TMEM232: variants seen among roughly 807,000 people sequenced by gnomAD.
TMEM232 encodes the protein transmembrane protein 232.
TMEM232 carries 80 observed loss-of-function variants against 78.8 expected under a neutral mutation model. The ratio of observed to expected loss-of-function variants is 1.01; its 90% CI spans 0.85 to 1.22. The LOEUF (loss-of-function observed/expected upper bound fraction) is 1.22. Among genes scored for constraint, TMEM232 ranks in the 50% most tolerant of loss-of-function variants. The pLI, the probability that TMEM232 is intolerant of heterozygous loss-of-function variation, is 0.00. For missense variants in TMEM232, 881 were observed against 742.2 expected (o/e 1.19, Z -2.17); for synonymous variants, 297 against 254.3 (o/e 1.17, Z -1.60).
At chr5:110,656,434 G>T (rs945268998) in intron 2 of TMEM232, among the ~76,000 whole-genome samples, 1 of 152,054 alleles carries the variant, frequency 6.6e-6, no homozygotes, top group Non-Finnish European at 1.5e-5. Flanking sequence ...TAGTTTGAAC[G>T]TGTGCCTGTT....
chr5:110,638,232 G>A lies in TMEM232; in HGVS notation c.467C>T (p.Thr156Ile), dbSNP rs977541961. The A allele has an allele frequency of 1.9e-6, 3 of 1,548,114 alleles. No individual in the cohort carries two copies. The highest frequency in any genetic ancestry group is 1.4e-5 in the African/African-American group (1 of 72,870). ...YRLCCDASLK[T>I]YLYSVEIKLA... ...CTTTATTTCAACTGAATATAAATAT[G>A]TTTTGAGGGATGCATCACAACACAG... is the stretch of plus-strand genomic sequence containing the variant. Residue 156 changes from threonine to isoleucine, a missense_variant, in exon 5 of 14, where the codon ACA (threonine) becomes ATA (isoleucine). Transcript: ENST00000455884.
chr5:110,580,728 C>T (rs1241501463), intron 10 of TMEM232, among the ~76,000 whole-genome samples: 2 of 132,912 alleles, frequency 1.5e-5, no homozygotes, highest in African/African-American at 7.1e-5. Context: ...TAACCCCAAA[C>T]AGGATAATTT....
At chr5:110,489,392 C>A (rs937434496) in intron 12 of TMEM232, among the ~76,000 whole-genome samples, 1 of 151,914 alleles carries the variant, frequency 6.6e-6, no homozygotes, top group Non-Finnish European at 1.5e-5. Context: ...AACATACCAA[C>A]AGAACAATGA....
chr5:110,427,381 A>G (rs979174008), intron 12 of TMEM232, among the ~76,000 whole-genome samples: 11 of 152,022 alleles, frequency 7.2e-5, no homozygotes, highest in Non-Finnish European at 1.3e-4. Context: ...AAAAGAATTC[A>G]GAGGAAAAAG....
intron 1 of TMEM232, among the ~76,000 whole-genome samples, chr5:110,710,928 G>C (rs1796411437): frequency 6.6e-6 from 1 of 151,780 alleles, no homozygotes; most frequent in Non-Finnish European, 1.5e-5. Flanking sequence ...AATCAGACAA[G>C]AGAAAGAAAC....
At chr5:110,646,742 A>G (rs959004658) in intron 2 of TMEM232, among the ~76,000 whole-genome samples, 11 of 152,026 alleles carry the variant, frequency 7.2e-5, no homozygotes, top group African/African-American at 9.6e-5. Flanking sequence ...AACAGAGTGA[A>G]CAGGCAATCT....
chr5:110,420,999 G>T (rs367798600), intron 13 of TMEM232, among the ~76,000 whole-genome samples: 2 of 149,984 alleles, frequency 1.3e-5, no homozygotes, highest in Admixed American at 6.6e-5. Flanking sequence ...CAATAAAAAA[G>T]AAGACATTAT....
At position 110,655,912 on chromosome 5, in the gene TMEM232, G is replaced by C. The variant is rs370930055; in HGVS notation, c.125+11316C>G. Among the ~76,000 whole-genome samples the C allele has an allele frequency of 3.3e-4, 36 of 109,908 alleles. No individual in the cohort carries two copies. In the East Asian group the frequency reaches 5.7e-3, roughly 17 times the overall value. The allele number at this position is 109,908 out of a possible 152,430, so 72.1% of individuals were successfully genotyped here. The stretch of plus-strand genomic sequence containing the variant: ...CACACTCTGGGGACTGTTGTGGGGT[G>C]GGGGGAGGGGGGAGGGATAGCATTA... On this transcript the variant is annotated intron_variant, in intron 2 of 13. Transcript: ENST00000455884.
chr5:110,430,671 G>A (rs907561856), intron 12 of TMEM232, among the ~76,000 whole-genome samples: 1 of 151,442 alleles, frequency 6.6e-6, no homozygotes, highest in South Asian at 2.1e-4. Flanking sequence ...TCGATCATGG[G>A]AATTTTTATG....
chr5:110,580,444 T>C (rs2149724403), intron 10 of TMEM232, among the ~76,000 whole-genome samples: 1 of 151,848 alleles, frequency 6.6e-6, no homozygotes. Flanking sequence ...TAGTAGGCTA[T>C]ACCATCTAGG....
chr5:110,693,139 G>A (rs1054365603), intron 1 of TMEM232, among the ~76,000 whole-genome samples: 4 of 152,082 alleles, frequency 2.6e-5, no homozygotes, highest in African/African-American at 4.8e-5. Flanking sequence ...CAGCATTTGC[G>A]GTTCACCAAT....
intron 1 of TMEM232, among the ~76,000 whole-genome samples, chr5:110,682,747 C>G (rs952575913): frequency 5.9e-5 from 9 of 152,218 alleles, no homozygotes; most frequent in Non-Finnish European, 1.3e-4. Flanking sequence ...CCAAGGCTGA[C>G]AAGAATATCC....
chr5:110,606,037 TAATTA>T, intron 9 of TMEM232, 122 bp downstream of exon 9: 6 of 836,988 alleles, frequency 7.2e-6, no homozygotes, highest in Non-Finnish European at 9.6e-6. Flanking sequence ...CTTTTATATT[TAATTA>T]AATTTATTAT....
chr5:110,467,640 T>C (rs577185174), intron 12 of TMEM232, among the ~76,000 whole-genome samples: 2 of 152,224 alleles, frequency 1.3e-5, no homozygotes, highest in African/African-American at 4.8e-5. Context: ...ATATACATCA[T>C]ATTAAGACTA....
chr5:110,724,207 T>A (rs1189858065), intron 1 of TMEM232, among the ~76,000 whole-genome samples: 1 of 152,198 alleles, frequency 6.6e-6, no homozygotes. Flanking sequence ...CTTTCGATAT[T>A]CACATCAGTC....
At chr5:110,454,615 T>C (rs565039334) in intron 12 of TMEM232, among the ~76,000 whole-genome samples, 2 of 151,300 alleles carry the variant, frequency 1.3e-5, no homozygotes, top group Non-Finnish European at 3.0e-5. Context: ...ACATGAAAAA[T>C]TAGAAAATAT....
At position 110,528,731 on chromosome 5, in the gene TMEM232, G is replaced by A; in HGVS notation, c.1560C>T (p.Ala520=). The A allele has an allele frequency of 3.9e-6, 6 of 1,533,992 alleles. No individual in the cohort carries two copies. Among genetic ancestry groups the A allele is most frequent in the Non-Finnish European group, 5.2e-6 (6 of 1,145,924 alleles). ...GAAAGAATAGTTTGGAAAGAGTGTT[G>A]GCAATTCTCCACCCAATATATTTGG... ...VFSKYIGWRI[A]NTLSKLFFPP... Residue 520 remains alanine (A), a synonymous_variant, in exon 12 of 14, where the codon GCC becomes GCT. Transcript: ENST00000455884.
chr5:110,728,521 C>A (rs1263991102), upstream of TMEM232, among the ~76,000 whole-genome samples: 1 of 151,376 alleles, frequency 6.6e-6, no homozygotes, highest in African/African-American at 2.4e-5. Flanking sequence ...ATTGGTATAA[C>A]CTTAGAGTCA....
intron 12 of TMEM232, among the ~76,000 whole-genome samples, chr5:110,462,991 C>T (rs559809067): frequency 6.8e-4 from 103 of 152,170 alleles, no homozygotes; most frequent in African/African-American, 2.3e-3. Context: ...TGTTGAAATG[C>T]AAAAACGGAT....
Sources: allele counts gnomAD v4.1 joint callset (sites outside exome capture counted in the v4.1 genomes callset), GRCh38; gene constraint gnomAD v4.1.1; transcripts MANE v1.5; gene names NCBI Gene and HGNC (gene_info 2026-07-23, HGNC 2026-07-21).